PCDHA3: variants seen among roughly 807,000 people sequenced by gnomAD.
PCDHA3 encodes the protein protocadherin alpha-3.
PCDHA3 carries 41 observed loss-of-function variants against 62.2 expected under a neutral mutation model. The ratio of observed to expected loss-of-function variants is 0.66; its 90% CI spans 0.51 to 0.86. PCDHA3 has a LOEUF of 0.86. Ranked by LOEUF, PCDHA3 falls within the 40% of genes least tolerant of loss-of-function variation. The pLI, the probability that PCDHA3 is intolerant of heterozygous loss-of-function variation, is 0.00. For synonymous variants in PCDHA3, 640 were observed against 555.4 expected, an observed-to-expected ratio of 1.15 and a Z score of -2.14; for missense variants, 1,304 against 1,241.2, an observed-to-expected ratio of 1.05 and a Z score of -0.76.
In PCDHA3 at chr5:140,815,695, T is replaced by A. The variant is rs1365697676; in HGVS notation, c.2394+12104T>A. 3 of 152,310 alleles carry A rather than the reference T, an allele frequency of 2.0e-5. No homozygotes were observed. In the East Asian group the frequency reaches 5.8e-4, roughly 29 times the overall value. 9.4% of individuals were successfully genotyped at this position (152,310 alleles called of 1,614,324 possible). On this transcript the variant is annotated intron_variant, in intron 1 of 3. Coordinates refer to ENST00000522353, the MANE Select transcript of PCDHA3 (RefSeq NM_018906.3). The stretch of plus-strand genomic sequence containing the variant: ...GAGCTTTATACTTTAATAAAATACC[T>A]ATGTATTTCTGTTTAGCATCCCCTA...
At chr5:140,844,441 GTTGTA>G (rs1554140652) in intron 1 of PCDHA3, among the ~76,000 whole-genome samples, 1 of 149,004 alleles carries the variant, frequency 6.7e-6, no homozygotes, top group East Asian at 1.9e-4. Flanking sequence ...GATTTTTACA[GTTGTA>G]TTGTCGCCAA....
intron 1 of PCDHA3, chr5:140,869,798 T>G: frequency 6.2e-7 from 1 of 1,612,730 alleles, no homozygotes; most frequent in Non-Finnish European, 8.5e-7. Context: ...TTAGTCCAAG[T>G]CTTGGATGTC....
chr5:141,000,361 GTCTCTCTCTC>G lies in PCDHA3; in HGVS notation c.2543-9240_2543-9231del, dbSNP rs148596731. Reference sequence around the variant, plus strand: ...CCTATCTCTCTCTCTGTCTCTCTCTGTCTCTCTCTCTCTCTCTCTCTCTCTCTCTCTCTCT... The same window carrying G: ...CCTATCTCTCTCTCTGTCTCTCTCTGTCTCTCTCTCTCTCTCTCTCTCTCT... On this transcript the variant is annotated intron_variant, in intron 3 of 3. Transcript: ENST00000522353. 0.019 allele frequency among the ~76,000 whole-genome samples: 511 copies of G among 26,396 alleles called. 13 individuals carry two copies. In the Middle Eastern group the frequency reaches 0.2, roughly 10 times the overall value. The allele number at this position is 26,396 out of a possible 152,430, so 17.3% of individuals were successfully genotyped here.
chr5:141,002,246 C>G (rs1217451636), intron 3 of PCDHA3, among the ~76,000 whole-genome samples: 1 of 152,190 alleles, frequency 6.6e-6, no homozygotes, highest in Non-Finnish European at 1.5e-5. Flanking sequence ...CTTTATTAAC[C>G]TCAGCACTGA....
intron 1 of PCDHA3, among the ~76,000 whole-genome samples, chr5:140,818,178 C>A (rs1766296902): frequency 6.6e-6 from 1 of 152,140 alleles, no homozygotes; most frequent in African/African-American, 2.4e-5. Flanking sequence ...CTCTTATATT[C>A]TTCTGTGACT....
chr5:140,881,453 C>T (rs554262236), intron 1 of PCDHA3: 48 of 714,052 alleles, frequency 6.7e-5, no homozygotes, highest in Admixed American at 6.2e-5. Context: ...GAATCCAAAA[C>T]CTTAGAGCAT....
At chr5:140,807,119 A>T in intron 1 of PCDHA3, 2 of 1,531,128 alleles carry the variant, frequency 1.3e-6, no homozygotes, top group Non-Finnish European at 1.8e-6. Context: ...CACTTGACTG[A>T]CCGATTAAAA....
chr5:140,883,987 G>A (rs782597930), intron 1 of PCDHA3: 2 of 1,612,956 alleles, frequency 1.2e-6, no homozygotes, highest in East Asian at 2.2e-5. Flanking sequence ...CTGGCAGCGC[G>A]GGAGGCACAG....
At position 140,822,379 on chromosome 5, in the gene PCDHA3, G is replaced by A. The variant is rs2150115854; in HGVS notation, c.2394+18788G>A. 1.9e-6 allele frequency: 3 copies of A among 1,614,118 alleles called. No homozygotes were observed. In the Admixed American group the frequency reaches 5.0e-5, roughly 27 times the overall value. ...GGTTTTGAGGAAATCCTTAGATAGA[G>A]AAGAAACACAAGAACACCGTTTATT... On this transcript the variant is annotated intron_variant, in intron 1 of 3. Transcript: ENST00000522353.
intron 1 of PCDHA3, chr5:140,868,990 G>T: frequency 6.6e-7 from 1 of 1,511,604 alleles, no homozygotes; most frequent in Non-Finnish European, 8.8e-7. Flanking sequence ...GGATGCCACC[G>T]TTTAAGGATC....
At chr5:140,927,808 T>C (rs782535814) in intron 1 of PCDHA3, 116 of 1,614,090 alleles carry the variant, frequency 7.2e-5, no homozygotes, top group Non-Finnish European at 9.6e-5. Context: ...TGAAACGCTC[T>C]TGGAGGCATA....
intron 1 of PCDHA3, chr5:140,808,836 C>G (rs782131323): frequency 6.2e-7 from 1 of 1,613,100 alleles, no homozygotes; most frequent in East Asian, 2.2e-5. Context: ...AGCAACGTGA[C>G]GCTGCAGGTG....
intron 1 of PCDHA3, among the ~76,000 whole-genome samples, chr5:140,889,615 T>C (rs1261276866): frequency 6.6e-6 from 1 of 152,184 alleles, no homozygotes; most frequent in Non-Finnish European, 1.5e-5. Flanking sequence ...ATTATACTGA[T>C]TCATTTCTCT....
intron 1 of PCDHA3, chr5:140,808,970 C>T: frequency 6.2e-7 from 1 of 1,613,572 alleles, no homozygotes; most frequent in South Asian, 1.1e-5. Flanking sequence ...GGCAAAGGTG[C>T]GCGCGGTGGA....
intron 1 of PCDHA3, among the ~76,000 whole-genome samples, chr5:140,959,052 A>C (rs992294371): frequency 3.3e-5 from 5 of 152,078 alleles, no homozygotes; most frequent in Admixed American, 6.6e-5. Context: ...ATAGGAAAAA[A>C]TGCAGTATAT....
At chr5:140,995,000 T>A (rs149795080) in intron 3 of PCDHA3, among the ~76,000 whole-genome samples, 1 of 152,328 alleles carries the variant, frequency 6.6e-6, no homozygotes, top group African/African-American at 2.4e-5. Flanking sequence ...GTTAGTTGGT[T>A]TGTTTATATT....
intron 3 of PCDHA3, among the ~76,000 whole-genome samples, chr5:140,987,154 C>T (rs1404083891): frequency 6.6e-6 from 1 of 150,704 alleles, no homozygotes; most frequent in Non-Finnish European, 1.5e-5. Flanking sequence ...GTGGAGGTTG[C>T]AGTGAGCTGA....
chr5:140,876,256 A>G (rs1554168418), intron 1 of PCDHA3: 1 of 1,614,042 alleles, frequency 6.2e-7, no homozygotes, highest in East Asian at 2.2e-5. Context: ...CACAAGAGTG[A>G]TCCAACTAAA....
rs562972971 is a variant in PCDHA3, at chr5:140,960,395, A to AG, written c.2395-18547dup. 1.1e-4 allele frequency among the ~76,000 whole-genome samples: 17 copies of AG among 152,266 alleles called. No individual in the cohort carries two copies. The Middle Eastern group carries it at 0.014, about 123-fold the overall frequency. ...TTAAGTGCCAAGACATTAGGATGCAAGGGGGGGTGCCCAAAAAGTCAACAA... is the reference window on the plus strand; with the variant it reads ...TTAAGTGCCAAGACATTAGGATGCAAGGGGGGGGTGCCCAAAAAGTCAACAA... On this transcript the variant is annotated intron_variant, in intron 1 of 3. Coordinates refer to ENST00000522353, the MANE Select transcript of PCDHA3 (RefSeq NM_018906.3).
Sources: allele counts gnomAD v4.1 joint callset (sites outside exome capture counted in the v4.1 genomes callset), GRCh38; gene constraint gnomAD v4.1.1; transcripts MANE v1.5; gene names NCBI Gene and HGNC (gene_info 2026-07-23, HGNC 2026-07-21).